The following MAGI1 variants were observed in gnomAD, a reference collection of about 807,000 sequenced individuals.
MAGI1 encodes the protein membrane associated guanylate kinase, WW and PDZ domain containing 1, also known as membrane-associated guanylate kinase, WW and PDZ domain-containing protein 1.
A neutral mutation model predicts 139.9 loss-of-function variants in MAGI1; 58 were observed. The ratio of observed to expected loss-of-function variants is 0.41; its 90% CI spans 0.34 to 0.52. MAGI1 has a LOEUF of 0.52. Ranked by LOEUF, MAGI1 falls within the 20% of genes least tolerant of loss-of-function variation. The probability of loss-of-function intolerance (pLI) is 0.12; values close to 1 mark genes in which losing one functional copy is unlikely to be tolerated. For synonymous variants in MAGI1, 812 were observed against 737.9 expected (o/e 1.10, Z -1.63); for missense variants, 1,874 against 1,901.6 (o/e 0.99, Z 0.27).
At chr3:65,921,353 G>T (rs1024808358) in intron 1 of MAGI1, among the ~76,000 whole-genome samples, 4 of 151,256 alleles carry the variant, frequency 2.6e-5, no homozygotes, top group African/African-American at 7.3e-5. Context: ...TGCTGCCCAG[G>T]CTGGAGTGCA....
intron 20 of MAGI1, among the ~76,000 whole-genome samples, chr3:65,364,155 C>T (rs1941167061): frequency 7.0e-6 from 1 of 143,716 alleles, no homozygotes; most frequent in South Asian, 2.3e-4. Context: ...ACAGTGAGAC[C>T]CCTGTCTCTT....
chr3:65,904,980 T>A (rs900885561), intron 1 of MAGI1, among the ~76,000 whole-genome samples: 10 of 152,126 alleles, frequency 6.6e-5, no homozygotes, highest in African/African-American at 2.4e-4. Context: ...TGGAAATCAA[T>A]ATGATTCAAC....
At chr3:65,676,391 G>A (rs1222565220) in intron 1 of MAGI1, among the ~76,000 whole-genome samples, 4 of 152,062 alleles carry the variant, frequency 2.6e-5, no homozygotes, top group South Asian at 2.1e-4. Context: ...CAATAATCAC[G>A]GTTAGTTCCA....
chr3:65,975,278 T>C (rs1307598701), intron 1 of MAGI1, among the ~76,000 whole-genome samples: 1 of 152,198 alleles, frequency 6.6e-6, no homozygotes, highest in Non-Finnish European at 1.5e-5. Context: ...TCCAAAATTA[T>C]GTCTGTCTCT....
At chr3:65,831,395 G>C (rs1273032043) in intron 1 of MAGI1, among the ~76,000 whole-genome samples, 1 of 152,220 alleles carries the variant, frequency 6.6e-6, no homozygotes, top group Non-Finnish European at 1.5e-5. Flanking sequence ...GAAACCCAAA[G>C]CTAGTGAGTT....
intron 2 of MAGI1, among the ~76,000 whole-genome samples, chr3:65,562,874 CT>C (rs1160128807): frequency 6.6e-6 from 1 of 152,148 alleles, no homozygotes; most frequent in Non-Finnish European, 1.5e-5. Context: ...AGTGTTCATT[CT>C]TGCATCCATC....
chr3:65,670,114 G>C (rs1049469221), intron 1 of MAGI1, among the ~76,000 whole-genome samples: 3 of 152,100 alleles, frequency 2.0e-5, no homozygotes, highest in Non-Finnish European at 4.4e-5. Flanking sequence ...CATGTTGCTC[G>C]ATTAGAAGTT....
intron 1 of MAGI1, among the ~76,000 whole-genome samples, chr3:65,963,122 G>C (rs73124008): frequency 0.47 from 69,623 of 147,008 alleles, 16,915 homozygotes; most frequent in South Asian, 0.63. Flanking sequence ...CCTGAGCTTA[G>C]GAGTTCGAAA....
chr3:65,776,247 CTT>C (rs5849693), intron 1 of MAGI1, among the ~76,000 whole-genome samples: 6,500 of 141,526 alleles, frequency 0.046, 220 homozygotes, highest in African/African-American at 0.096. Context: ...AGTTGGGTTT[CTT>C]TTTTTTTTTT....
At chr3:65,879,256 G>A (rs576930748) in intron 1 of MAGI1, among the ~76,000 whole-genome samples, 97 of 152,028 alleles carry the variant, frequency 6.4e-4, no homozygotes, top group African/African-American at 2.0e-3. Context: ...ATTTAAGTTC[G>A]CTGGGAGTCC....
chr3:65,977,920 A>C (rs1256731424), intron 1 of MAGI1, among the ~76,000 whole-genome samples: 4 of 151,814 alleles, frequency 2.6e-5, no homozygotes, highest in Non-Finnish European at 4.4e-5. Context: ...CAGGAGACCA[A>C]CTCCTACTCA....
At chr3:65,991,041 C>A (rs1321497226) in intron 1 of MAGI1, among the ~76,000 whole-genome samples, 1 of 151,994 alleles carries the variant, frequency 6.6e-6, no homozygotes, top group African/African-American at 2.4e-5. Flanking sequence ...GTAATCCCAG[C>A]ACTTTGGGAG....
At chr3:65,454,534 T>C (rs1949255776) in intron 5 of MAGI1, among the ~76,000 whole-genome samples, 1 of 142,976 alleles carries the variant, frequency 7.0e-6, no homozygotes, top group Non-Finnish European at 1.5e-5. Flanking sequence ...AGTATAATAA[T>C]AATAATAATA....
intron 1 of MAGI1, among the ~76,000 whole-genome samples, chr3:65,974,002 A>T (rs992783213): frequency 6.6e-6 from 1 of 152,146 alleles, no homozygotes. Context: ...AGTATACATC[A>T]AATATGGTTT....
At chr3:65,464,820 G>T (rs1371585034) in intron 5 of MAGI1, among the ~76,000 whole-genome samples, 1 of 143,520 alleles carries the variant, frequency 7.0e-6, no homozygotes, top group Admixed American at 7.4e-5. Context: ...TTTTCTTTTT[G>T]TTCTGTTTTT....
At chr3:65,773,727 CA>C (rs1284947899) in intron 1 of MAGI1, among the ~76,000 whole-genome samples, 1 of 152,162 alleles carries the variant, frequency 6.6e-6, no homozygotes, top group Non-Finnish European at 1.5e-5. Context: ...ATGGTGAATT[CA>C]GAAGGAAAAT....
chr3:65,782,848 T>G (rs1304851239), intron 1 of MAGI1, among the ~76,000 whole-genome samples: 1 of 151,640 alleles, frequency 6.6e-6, no homozygotes, highest in African/African-American at 2.4e-5. Flanking sequence ...CTGGGCCATC[T>G]GTGAAAAGTC....
At chr3:65,964,844 C>T (rs2064656671) in intron 1 of MAGI1, among the ~76,000 whole-genome samples, 1 of 152,174 alleles carries the variant, frequency 6.6e-6, no homozygotes, top group Non-Finnish European at 1.5e-5. Flanking sequence ...TAGGAAGCCA[C>T]CCCCAAGTCC....
chr3:65,387,370 T>C (rs1943535504), intron 14 of MAGI1: 2 of 558,810 alleles, frequency 3.6e-6, no homozygotes, highest in South Asian at 2.5e-5. Context: ...GACTATAGTT[T>C]GATTCCATTT....
Sources: gnomAD v4.1 joint callset for allele counts (sites outside exome capture counted in the v4.1 genomes callset) on GRCh38, gnomAD v4.1.1 for gene constraint, MANE v1.5 for transcripts, NCBI Gene and HGNC (gene_info 2026-07-23, HGNC 2026-07-21) for gene names.